Variants in PROCR observed in about 807,000 individuals in gnomAD.
PROCR encodes the protein endothelial protein C receptor.
PROCR carries 22 observed loss-of-function variants against 24.2 expected under a neutral mutation model. The ratio of observed to expected loss-of-function variants is 0.91; its 90% CI spans 0.65 to 1.30. The LOEUF (loss-of-function observed/expected upper bound fraction) is 1.30, where lower values mean the gene tolerates loss of function less well. Ranked by LOEUF, PROCR falls within the 50% of genes most tolerant of loss-of-function variation. The pLI, the probability that PROCR is intolerant of heterozygous loss-of-function variation, is 0.00. For missense variants in PROCR, 288 were observed against 307.7 expected, an observed-to-expected ratio of 0.94 and a Z score of 0.48; for synonymous variants, 137 against 139.2, an observed-to-expected ratio of 0.98 and a Z score of 0.11.
chr20:35,177,429 A>C (rs997577207), downstream of PROCR: 18 of 587,530 alleles, frequency 3.1e-5, no homozygotes, highest in Non-Finnish European at 3.5e-5. Context: ...CTGCTTCCTT[A>C]TTTCTCACTC....
Position 35,176,221 on chromosome 20 carries a change from A to C in PROCR, c.376A>C (p.Arg126=). ...LGCELPPEGS[R]AHVFFEVAVN... ...CTGTGAGCTGCCTCCCGAGGGCTCT[A>C]GAGCCCATGTCTTCTTCGAAGTGGC... The change falls in exon 3 of 4, where the codon AGA becomes CGA. Residue 126 remains arginine, a synonymous_variant. Coordinates refer to ENST00000216968, the MANE Select transcript of PROCR (RefSeq NM_006404.5). 6.2e-7 allele frequency: 1 copy of C among 1,614,134 alleles called. No individual in the cohort carries two copies.
intron 1 of PROCR, among the ~76,000 whole-genome samples, chr20:35,199,656 G>A (rs962434248): frequency 2.0e-5 from 3 of 151,616 alleles, no homozygotes; most frequent in Admixed American, 2.0e-4. Context: ...GGCTGAGCAG[G>A]AGAATCGCTT....
chr20:35,212,935 TTG>T (rs1228052264), intron 1 of PROCR, among the ~76,000 whole-genome samples: 1 of 152,238 alleles, frequency 6.6e-6, no homozygotes, highest in Non-Finnish European at 1.5e-5. Flanking sequence ...ATCCAACCTT[TTG>T]GTATTTGCAG....
intron 1 of PROCR, among the ~76,000 whole-genome samples, chr20:35,182,874 T>C (rs906756963): frequency 6.8e-6 from 1 of 148,012 alleles, no homozygotes; most frequent in African/African-American, 2.5e-5. Context: ...CTCAGGAGGC[T>C]AAGGAAGGAG....
chr20:35,194,597 G>A (rs530793841), intron 1 of PROCR, among the ~76,000 whole-genome samples: 16 of 152,294 alleles, frequency 1.1e-4, no homozygotes, highest in Non-Finnish European at 1.5e-4. Flanking sequence ...AAATCTGTAC[G>A]TGAGCCAAGA....
At chr20:35,215,726 C>T (rs1204876632) in intron 1 of PROCR, among the ~76,000 whole-genome samples, 1 of 152,148 alleles carries the variant, frequency 6.6e-6, no homozygotes, top group African/African-American at 2.4e-5. Flanking sequence ...TTAGAATCCA[C>T]TTCACAGGAC....
rs1388649131 is a variant in PROCR, at chr20:35,176,793, A to C, written c.697A>C (p.Thr233Pro). The C allele has an allele frequency of 6.2e-7, 1 of 1,613,920 alleles. No homozygotes were observed. Among genetic ancestry groups the C allele is most frequent in the Non-Finnish European group, 8.5e-7 (1 of 1,180,012 alleles). The change falls in exon 4 of 4, where the codon ACA (threonine) becomes CCA (proline). Residue 233 changes from threonine to proline, a missense_variant. Physicochemically the swap from Thr to Pro is conservative, Grantham distance 38 (BLOSUM62 -1). Transcript: ENST00000216968. Reference sequence around the variant, plus strand: ...TGTGGCTGTAGGCATCTTCCTGTGCACAGGTGGACGGCGATGTTAATTACT... The same window carrying C: ...TGTGGCTGTAGGCATCTTCCTGTGCCCAGGTGGACGGCGATGTTAATTACT... ...AGVAVGIFLC[T>P]GGRRC
At chr20:35,194,596 C>A (rs116754523) in intron 1 of PROCR, among the ~76,000 whole-genome samples, 2 of 152,164 alleles carry the variant, frequency 1.3e-5, no homozygotes, top group African/African-American at 4.8e-5. Flanking sequence ...TAAATCTGTA[C>A]GTGAGCCAAG....
intron 1 of PROCR, among the ~76,000 whole-genome samples, chr20:35,191,999 G>A (rs2146164150): frequency 6.6e-6 from 1 of 152,172 alleles, no homozygotes; most frequent in East Asian, 1.9e-4. Flanking sequence ...AAAAATGATG[G>A]TGGCAAGGAC....
At chr20:35,212,032 C>T (rs866729161) in intron 1 of PROCR, among the ~76,000 whole-genome samples, 1 of 150,724 alleles carries the variant, frequency 6.6e-6, no homozygotes, top group Admixed American at 6.6e-5. Flanking sequence ...AAAAAAAAAA[C>T]AAACACTGTG....
At chr20:35,214,937 C>T (rs1454201707) in intron 1 of PROCR, among the ~76,000 whole-genome samples, 5 of 132,096 alleles carry the variant, frequency 3.8e-5, no homozygotes, top group Non-Finnish European at 7.7e-5. Flanking sequence ...GATGGAGTCT[C>T]ACTCTGTAGC....
intron 1 of PROCR, among the ~76,000 whole-genome samples, chr20:35,215,265 A>C (rs989252038): frequency 6.6e-6 from 1 of 152,162 alleles, no homozygotes; most frequent in African/African-American, 2.4e-5. Flanking sequence ...CATTGCTTGT[A>C]ACTTTTGAAC....
At chr20:35,177,443 C>CTTTTTTTTTTTTTTT (rs397865849), downstream of PROCR, 1 of 512,368 alleles carries the variant, frequency 2.0e-6, no homozygotes, top group African/African-American at 3.5e-5. Flanking sequence ...CTCACTCATT[C>CTTTTTTTTTTTTTTT]TTTTTTTTTT....
chr20:35,195,782 T>C (rs1313779873), intron 1 of PROCR, among the ~76,000 whole-genome samples: 2 of 139,160 alleles, frequency 1.4e-5, no homozygotes, highest in African/African-American at 5.6e-5. Context: ...GATTGCACCA[T>C]TGCACTCTAG....
rs1434026239 is a variant in PROCR at position 35,176,430 on chromosome 20, C to T, written c.585C>T (p.Ser195=). 2 of 1,613,980 alleles carry T rather than the reference C, an allele frequency of 1.2e-6. No homozygotes were observed. The highest frequency in any genetic ancestry group is 1.7e-6 in the Non-Finnish European group (2 of 1,179,930). The change falls in exon 3 of 4, where the codon TCC becomes TCT. Residue 195 remains serine, a synonymous_variant. Transcript: ENST00000216968. ...TGCAGTATGTGCAGAAACATATTTC[C>T]GCGGAAAACACGAAAGGTATGATGG... The part of the protein sequence containing the change: ...TCVQYVQKHI[S]AENTKGSQTS...
At position 35,174,774 on chromosome 20, in the gene PROCR, C is replaced by T. The variant is rs778798174; in HGVS notation, c.143C>T (p.Ala48Val). ...DPYHVWYQGNASLGGHLTHVL... is the reference protein window; with the variant it reads ...DPYHVWYQGNVSLGGHLTHVL... ...TATCACGTGTGGTACCAGGGCAACG[C>T]GTCGCTGGGGGGACACCTAACGCAC... The change falls in exon 2 of 4, where the codon GCG becomes GTG. Residue 48 changes from alanine to valine, a missense_variant. Ala to Val is a moderately conservative substitution (Grantham distance 64). Transcript: ENST00000216968. 6 of 1,614,098 alleles carry T rather than the reference C, an allele frequency of 3.7e-6. No individual in the cohort carries two copies. The highest frequency in any genetic ancestry group is 3.4e-6 in the Non-Finnish European group (4 of 1,180,010).
In PROCR at chr20:35,176,691, T is replaced by G. The variant is rs1191952755; in HGVS notation, c.602-7T>G. ...TTCTTCGGGCTAACTCTTTGCATGTTCTGCAGGGAGCCAAACAAGCCGCTC... is the reference window on the plus strand; with the variant it reads ...TTCTTCGGGCTAACTCTTTGCATGTGCTGCAGGGAGCCAAACAAGCCGCTC... On this transcript the variant is annotated splice_polypyrimidine_tract_variant and splice_region_variant and intron_variant, in intron 3 of 3. Coordinates refer to ENST00000216968, the MANE Select transcript of PROCR (RefSeq NM_006404.5). 6.9e-6 allele frequency: 11 copies of G among 1,604,676 alleles called. No homozygotes were observed. Among genetic ancestry groups the G allele is most frequent in the Non-Finnish European group, 8.5e-6 (10 of 1,175,426 alleles).
intron 1 of PROCR, among the ~76,000 whole-genome samples, chr20:35,208,291 C>A (rs868055792): frequency 6.6e-6 from 1 of 152,236 alleles, no homozygotes; most frequent in African/African-American, 2.4e-5. Flanking sequence ...TCTGTCAACT[C>A]TCTACTGCAA....
intron 1 of PROCR, among the ~76,000 whole-genome samples, chr20:35,212,103 A>T (rs1227318223): frequency 6.6e-6 from 1 of 152,178 alleles, no homozygotes; most frequent in Non-Finnish European, 1.5e-5. Context: ...GAGTGATTTG[A>T]GTAAGAACTT....
Sources: allele counts gnomAD v4.1 joint callset (sites outside exome capture counted in the v4.1 genomes callset), GRCh38; gene constraint gnomAD v4.1.1; transcripts MANE v1.5; gene names NCBI Gene and HGNC (gene_info 2026-07-23, HGNC 2026-07-21).